The following RTN4IP1 variants were observed in gnomAD, a reference collection of about 807,000 sequenced individuals.
The protein encoded by RTN4IP1 is reticulon 4 interacting protein 1.
In RTN4IP1, 32 loss-of-function variants were observed where a neutral mutation model predicts 46.6. That is an observed-to-expected ratio of 0.69 (90% CI 0.52 to 0.92). RTN4IP1 has a LOEUF of 0.92. Among genes scored for constraint, RTN4IP1 ranks in the 40% least tolerant of loss-of-function variants. The pLI is 0.00. For synonymous variants in RTN4IP1, 167 were observed against 161.8 expected, an observed-to-expected ratio of 1.03 and a Z score of -0.24; for missense variants, 424 against 485.8, an observed-to-expected ratio of 0.87 and a Z score of 1.20.
At chr6:106,614,762 C>G (rs1776307362) in intron 4 of RTN4IP1, among the ~76,000 whole-genome samples, 1 of 152,150 alleles carries the variant, frequency 6.6e-6, no homozygotes, top group Non-Finnish European at 1.5e-5. Flanking sequence ...CAACTTAAGT[C>G]ACTTAAGTTA....
chr6:106,583,290 T>C (rs752148394), intron 8 of RTN4IP1, 38 bp downstream of exon 8: 2 of 1,549,954 alleles, frequency 1.3e-6, no homozygotes, highest in South Asian at 2.3e-5. Flanking sequence ...GCTGTAGAAA[T>C]ACAAAGGCTT....
At chr6:106,623,617 T>G (rs1031616250) in intron 1 of RTN4IP1, among the ~76,000 whole-genome samples, 12 of 152,236 alleles carry the variant, frequency 7.9e-5, no homozygotes, top group Non-Finnish European at 1.8e-4. Context: ...TAAAAAAAAT[T>G]TACTTGGAAA....
upstream of RTN4IP1, chr6:106,629,674 C>T: frequency 6.2e-7 from 1 of 1,604,932 alleles, no homozygotes; most frequent in South Asian, 1.1e-5. Flanking sequence ...AGGCTGGGCA[C>T]GAGGACCATG....
intron 1 of RTN4IP1, among the ~76,000 whole-genome samples, chr6:106,624,202 C>A (rs1222744573): frequency 6.6e-6 from 1 of 151,978 alleles, no homozygotes; most frequent in Non-Finnish European, 1.5e-5. Context: ...ACTACAGGCA[C>A]ACACCACCAC....
In RTN4IP1 at chr6:106,602,864, A is replaced by G. The variant is rs746831911; in HGVS notation, c.669+10T>C. 1.9e-6 allele frequency: 3 copies of G among 1,576,920 alleles called. No homozygotes were observed. Among genetic ancestry groups the G allele is most frequent in the African/African-American group, 1.4e-5 (1 of 73,156 alleles). On this transcript the variant is annotated intron_variant, in intron 5 of 8. Transcript: ENST00000369063. ...ATCCTCCTATTCACAAGATTAAAAA[A>G]TGGTTTTACCTGTATAGCAAAAGTA... is the stretch of plus-strand genomic sequence containing the variant.
At chr6:106,629,634 T>A, upstream of RTN4IP1, 1 of 1,579,716 alleles carries the variant, frequency 6.3e-7, no homozygotes, top group Non-Finnish European at 8.6e-7. Context: ...GGTGACCTCT[T>A]TTTCCCCCTT....
chr6:106,586,120 G>A (rs868049697), intron 7 of RTN4IP1, among the ~76,000 whole-genome samples: 34 of 152,144 alleles, frequency 2.2e-4, no homozygotes, highest in African/African-American at 7.7e-4. Context: ...CTCCATCATA[G>A]CTCTTTGTTA....
intron 8 of RTN4IP1, among the ~76,000 whole-genome samples, chr6:106,573,446 A>G (rs1775132606): frequency 6.6e-6 from 1 of 152,224 alleles, no homozygotes; most frequent in Admixed American, 6.5e-5. Flanking sequence ...TTAGACTCCA[A>G]AAGTTCCCTT....
At chr6:106,580,710 C>A (rs1775347201) in intron 8 of RTN4IP1, among the ~76,000 whole-genome samples, 1 of 139,566 alleles carries the variant, frequency 7.2e-6, no homozygotes. Context: ...CAGAGCAAGA[C>A]TCTGTCTCAA....
Position 106,622,946 on chromosome 6 carries a change from T to C in RTN4IP1, c.298A>G (p.Asn100Asp). 6.2e-7 allele frequency: 1 copy of C among 1,614,166 alleles called. No homozygotes were observed. Among genetic ancestry groups the C allele is most frequent in the Non-Finnish European group, 8.5e-7 (1 of 1,180,012 alleles). Residue 100 changes from asparagine (N) to aspartate (D), a missense_variant, in exon 2 of 9, where the codon AAT (asparagine) becomes GAT (aspartate). Asn to Asp is a conservative substitution (Grantham distance 23). Transcript: ENST00000369063. Reference sequence around the variant, plus strand: ...ACGTGTAAAGGATCACGCTTCATATTTAAAGCTGTAGCTCCATAACCACCT... The same window carrying C: ...ACGTGTAAAGGATCACGCTTCATATCTAAAGCTGTAGCTCCATAACCACCT... ...MRSGYGATAL[N>D]MKRDPLHVKI... is the part of the protein sequence containing the mutation.
chr6:106,598,912 T>C (rs1425008085), intron 5 of RTN4IP1, among the ~76,000 whole-genome samples: 4 of 152,064 alleles, frequency 2.6e-5, no homozygotes, highest in African/African-American at 9.7e-5. Context: ...TTGTTTCTAT[T>C]AAGGAGCATT....
At chr6:106,591,821 GAAC>G (rs1775670934) in intron 6 of RTN4IP1, among the ~76,000 whole-genome samples, 3 of 152,102 alleles carry the variant, frequency 2.0e-5, no homozygotes, top group Non-Finnish European at 4.4e-5. Flanking sequence ...TGTATTTCAT[GAAC>G]TACTCTATAT....
chr6:106,617,146 A>G (rs1776376405), intron 4 of RTN4IP1, among the ~76,000 whole-genome samples: 1 of 152,210 alleles, frequency 6.6e-6, no homozygotes, highest in Non-Finnish European at 1.5e-5. Context: ...CAGGCTTCCC[A>G]GCCTCCACAA....
At chr6:106,576,452 T>C (rs769137428) in intron 8 of RTN4IP1, among the ~76,000 whole-genome samples, 13 of 152,212 alleles carry the variant, frequency 8.5e-5, no homozygotes, top group Non-Finnish European at 1.6e-4. Flanking sequence ...ATGGGATCCA[T>C]GAGATACTTG....
chr6:106,624,107 G>A (rs1391553220), intron 1 of RTN4IP1, among the ~76,000 whole-genome samples: 1 of 152,124 alleles, frequency 6.6e-6, no homozygotes, highest in East Asian at 1.9e-4. Context: ...TGAGGCTGGA[G>A]TGCAGTGGCA....
At chr6:106,574,665 C>T (rs1775176902) in intron 8 of RTN4IP1, among the ~76,000 whole-genome samples, 1 of 152,190 alleles carries the variant, frequency 6.6e-6, no homozygotes, top group Non-Finnish European at 1.5e-5. Context: ...GATCTGTATG[C>T]ACCCTAAAGT....
intron 4 of RTN4IP1, among the ~76,000 whole-genome samples, chr6:106,611,351 G>T (rs906183767): frequency 6.6e-6 from 1 of 152,088 alleles, no homozygotes; most frequent in Non-Finnish European, 1.5e-5. Flanking sequence ...AGACATATAT[G>T]GCCTTCAAAA....
chr6:106,624,948 AAAAGAAAAAG>A (rs1776599905), intron 1 of RTN4IP1, among the ~76,000 whole-genome samples: 2 of 113,932 alleles, frequency 1.8e-5, no homozygotes, highest in African/African-American at 6.7e-5. Flanking sequence ...AAAAAAAAAA[AAAAGAAAAAG>A]AAAAAGAAAA....
At chr6:106,619,793 A>T (rs991770346) in intron 3 of RTN4IP1, among the ~76,000 whole-genome samples, 1 of 151,388 alleles carries the variant, frequency 6.6e-6, no homozygotes, top group East Asian at 2.0e-4. Context: ...TTGTATTTTC[A>T]GTAGAGACAG....
Sources: allele counts gnomAD v4.1 joint callset (sites outside exome capture counted in the v4.1 genomes callset), GRCh38; gene constraint gnomAD v4.1.1; transcripts MANE v1.5; gene names NCBI Gene and HGNC (gene_info 2026-07-23, HGNC 2026-07-21).